The following ITGA8 variants were observed in gnomAD, a reference collection of about 807,000 sequenced individuals.
The protein encoded by ITGA8 is integrin alpha-8.
Under a neutral mutation model 142.3 loss-of-function variants are expected in ITGA8, and 91 were observed. That is an observed-to-expected ratio of 0.64 (90% confidence interval 0.54 to 0.76). The LOEUF (loss-of-function observed/expected upper bound fraction) is 0.76. Among genes scored for constraint, ITGA8 ranks in the 30% least tolerant of loss-of-function variants. The pLI is 0.00. For synonymous variants in ITGA8, 505 were observed against 485.2 expected (o/e 1.04, Z -0.54); for missense variants, 1,406 against 1,327.7 (o/e 1.06, Z -0.92).
At chr10:15,561,216 T>TATATATATATATATAC in intron 25 of ITGA8, among the ~76,000 whole-genome samples, 3 of 103,822 alleles carry the variant, frequency 2.9e-5, no homozygotes, top group African/African-American at 7.2e-5. Context: ...TGGCTATATA[T>TATATATATATATATAC]ATATATATAT....
chr10:15,549,199 C>CTTTTTTTTTTTTTT (rs1564346419), intron 26 of ITGA8, among the ~76,000 whole-genome samples: 3 of 48,838 alleles, frequency 6.1e-5, no homozygotes, highest in Non-Finnish European at 1.1e-4. Flanking sequence ...CTTTTCTTTT[C>CTTTTTTTTTTTTTT]TGTTTTTTTT....
intron 8 of ITGA8, among the ~76,000 whole-genome samples, chr10:15,665,446 T>A (rs1317056796): frequency 1.3e-5 from 2 of 152,130 alleles, no homozygotes; most frequent in Non-Finnish European, 2.9e-5. Flanking sequence ...GTTGCAAAAA[T>A]TTTTTCCCAT....
At chr10:15,588,829 A>C (rs1832874922) in intron 22 of ITGA8, among the ~76,000 whole-genome samples, 1 of 152,230 alleles carries the variant, frequency 6.6e-6, no homozygotes, top group Admixed American at 6.5e-5. Flanking sequence ...AGGCTTTTAG[A>C]GGCTGTTTTG....
chr10:15,687,970 C>G lies in ITGA8; in HGVS notation c.412G>C (p.Ala138Pro). Residue 138 changes from alanine to proline, a missense_variant, in exon 3 of 30, where the codon GCA becomes CCA. By Grantham distance (27) the Ala-to-Pro change is conservative. Transcript: ENST00000378076. ...IEFKSNQWFG[A>P]TVKAHKGKVV... ...TTTCCTTTGTGAGCTTTCACTGTTG[C>G]TCCAAACCACTGATTGGATTTGAAC... The G allele has an allele frequency of 6.2e-7, 1 of 1,613,278 alleles. No homozygotes were observed. Among genetic ancestry groups the G allele is most frequent in the East Asian group, 2.2e-5 (1 of 44,874 alleles).
intron 27 of ITGA8, among the ~76,000 whole-genome samples, chr10:15,540,128 A>T (rs1388334082): frequency 1.3e-5 from 2 of 152,242 alleles, no homozygotes; most frequent in African/African-American, 4.8e-5. Flanking sequence ...CATTAGCAGC[A>T]TGAAAACATA....
intron 4 of ITGA8, among the ~76,000 whole-genome samples, chr10:15,681,929 A>T (rs1199549425): frequency 1.3e-5 from 2 of 152,092 alleles, no homozygotes; most frequent in Non-Finnish European, 2.9e-5. Flanking sequence ...ATCCTTTGTT[A>T]TTGTTTGTGG....
chr10:15,670,275 C>T (rs1834487039), intron 8 of ITGA8, among the ~76,000 whole-genome samples: 1 of 152,202 alleles, frequency 6.6e-6, no homozygotes, highest in Admixed American at 6.5e-5. Context: ...TGAGTGAAAG[C>T]TCCCATTTAT....
At chr10:15,518,686 TG>T (rs1486962723) in intron 29 of ITGA8, among the ~76,000 whole-genome samples, 1 of 152,220 alleles carries the variant, frequency 6.6e-6, no homozygotes, top group Admixed American at 6.5e-5. Context: ...AATTAATTCC[TG>T]TTGTGGACTT....
chr10:15,565,070 A>G (rs1834054120), intron 25 of ITGA8, among the ~76,000 whole-genome samples: 1 of 152,232 alleles, frequency 6.6e-6, no homozygotes. Context: ...TCCAAAATAT[A>G]TGTGCAAACC....
intron 27 of ITGA8, among the ~76,000 whole-genome samples, chr10:15,540,794 C>T (rs886274937): frequency 5.9e-5 from 9 of 152,060 alleles, no homozygotes; most frequent in African/African-American, 1.7e-4. Context: ...TAAAACAAGA[C>T]CTGGTATAGA....
At chr10:15,630,375 GT>G (rs1200132575) in intron 13 of ITGA8, among the ~76,000 whole-genome samples, 3 of 152,018 alleles carry the variant, frequency 2.0e-5, no homozygotes, top group Non-Finnish European at 4.4e-5. Context: ...ATATCGACAA[GT>G]TGCCTTTTGT....
rs9333105 is a variant in ITGA8, at chr10:15,672,432, C to A, written c.802+192G>T. ...ATGGAGCCAACAAAATAGCTGCTCA[C>A]ATTATGTATTACACATCGCGGCTGG... On this transcript the variant is annotated intron_variant, in intron 7 of 29. Coordinates refer to ENST00000378076, the MANE Select transcript of ITGA8 (RefSeq NM_003638.3). Among the ~76,000 whole-genome samples, 7,818 of 152,182 alleles carry A rather than the reference C, an allele frequency of 0.051. 674 individuals are homozygous for A. The highest frequency in any genetic ancestry group is 0.18 in the African/African-American group (7,352 of 41,496).
At chr10:15,523,430 G>A (rs562880586) in intron 28 of ITGA8, among the ~76,000 whole-genome samples, 2 of 152,180 alleles carry the variant, frequency 1.3e-5, no homozygotes, top group African/African-American at 4.8e-5. Flanking sequence ...GTTACAGAAC[G>A]TACTGGCTTT....
intron 23 of ITGA8, among the ~76,000 whole-genome samples, chr10:15,578,037 G>A (rs1412423694): frequency 2.6e-5 from 4 of 152,036 alleles, no homozygotes; most frequent in East Asian, 3.8e-4. Flanking sequence ...ACCATTTAGC[G>A]GTTTCCCCAA....
chr10:15,643,719 C>T (rs1278908500), intron 13 of ITGA8, among the ~76,000 whole-genome samples: 1 of 152,188 alleles, frequency 6.6e-6, no homozygotes, highest in Non-Finnish European at 1.5e-5. Flanking sequence ...TATGTCAGTG[C>T]AAGCCGCGGT....
At chr10:15,671,846 A>C (rs1834527397) in intron 7 of ITGA8, among the ~76,000 whole-genome samples, 199 bp from the exon 8 acceptor site, 1 of 150,844 alleles carries the variant, frequency 6.6e-6, no homozygotes, top group Admixed American at 6.6e-5. Context: ...CTGAGTGCAT[A>C]ATAGATTATC....
chr10:15,599,647 A>G (rs984953135), intron 20 of ITGA8, among the ~76,000 whole-genome samples: 6 of 152,236 alleles, frequency 3.9e-5, no homozygotes, highest in African/African-American at 1.4e-4. Context: ...CCCAGCAGAC[A>G]TGGTGGCTGA....
At chr10:15,565,283 T>C (rs1398228728) in intron 25 of ITGA8, among the ~76,000 whole-genome samples, 1 of 152,172 alleles carries the variant, frequency 6.6e-6, no homozygotes, top group African/African-American at 2.4e-5. Flanking sequence ...TACGTCACAA[T>C]TGGAGAGGAA....
chr10:15,675,596 A>C (rs776047064), intron 6 of ITGA8, among the ~76,000 whole-genome samples: 19 of 152,236 alleles, frequency 1.2e-4, no homozygotes, highest in Non-Finnish European at 2.8e-4. Context: ...TACTTTGCTG[A>C]TATTTCACCT....
Sources: allele counts gnomAD v4.1 joint callset (sites outside exome capture counted in the v4.1 genomes callset), GRCh38; gene constraint gnomAD v4.1.1; transcripts MANE v1.5; gene names NCBI Gene and HGNC (gene_info 2026-07-23, HGNC 2026-07-21).